ITGA9: variants seen among roughly 807,000 people sequenced by gnomAD.
ITGA9 encodes integrin subunit alpha 9, also known as integrin alpha-9.
A neutral mutation model predicts 127.8 loss-of-function variants in ITGA9; 56 were observed. The observed-to-expected ratio is 0.44, with a 90% CI of 0.35 to 0.55. ITGA9 has a LOEUF of 0.55. Ranked by LOEUF, ITGA9 falls within the 20% of genes least tolerant of loss-of-function variation. The pLI is 0.00. For synonymous variants in ITGA9, 508 were observed against 514.5 expected (o/e 0.99, Z 0.17); for missense variants, 1,196 against 1,347.1 (o/e 0.89, Z 1.76).
chr3:37,615,692 T>G (rs1700067285), intron 15 of ITGA9, among the ~76,000 whole-genome samples: 1 of 152,204 alleles, frequency 6.6e-6, no homozygotes. Context: ...GGTTTAGTCT[T>G]GGGAGGGTGT....
At chr3:37,564,562 G>A (rs1260679562) in intron 15 of ITGA9, among the ~76,000 whole-genome samples, 1 of 152,218 alleles carries the variant, frequency 6.6e-6, no homozygotes, top group Non-Finnish European at 1.5e-5. Flanking sequence ...GGAAGAAAAT[G>A]TGATCCTTTC....
chr3:37,751,056 C>T (rs192459436), intron 23 of ITGA9, among the ~76,000 whole-genome samples: 9 of 152,262 alleles, frequency 5.9e-5, no homozygotes, highest in Admixed American at 2.0e-4. Flanking sequence ...ATATCTGAGC[C>T]GAGAGTTGAA....
At chr3:37,788,919 T>G (rs546330851) in intron 26 of ITGA9, among the ~76,000 whole-genome samples, 44 of 152,348 alleles carry the variant, frequency 2.9e-4, no homozygotes, top group African/African-American at 1.0e-3. Context: ...CTTACCTGTT[T>G]GTTTGTCAAA....
intron 23 of ITGA9, among the ~76,000 whole-genome samples, chr3:37,766,249 A>G (rs1009307272): frequency 6.6e-6 from 1 of 152,228 alleles, no homozygotes; most frequent in African/African-American, 2.4e-5. Context: ...TTCAGACCAA[A>G]AAGAACTGCC....
At chr3:37,692,412 A>AGAGAGT (rs1553658497) in intron 18 of ITGA9, among the ~76,000 whole-genome samples, 4 of 145,968 alleles carry the variant, frequency 2.7e-5, no homozygotes, top group Admixed American at 2.1e-4. Context: ...AGAGAGAGAG[A>AGAGAGT]GTGTGTGTGT....
chr3:37,557,355 T>C (rs1241830070), intron 15 of ITGA9, among the ~76,000 whole-genome samples: 1 of 152,182 alleles, frequency 6.6e-6, no homozygotes, highest in East Asian at 1.9e-4. Flanking sequence ...GGGGAATTTG[T>C]TGATTGTAGT....
chr3:37,524,013 T>C, intron 12 of ITGA9, among the ~76,000 whole-genome samples: 1 of 151,994 alleles, frequency 6.6e-6, no homozygotes, highest in East Asian at 1.9e-4. Context: ...CTGCCCCTAC[T>C]CTTGAAATAA....
chr3:37,503,157 C>T (rs111357377), intron 5 of ITGA9, 21 bp from the exon 6 acceptor site: 17 of 1,613,262 alleles, frequency 1.1e-5, no homozygotes, highest in African/African-American at 4.0e-5. Context: ...CTCTGCTTAC[C>T]GTTGGATTTC....
At chr3:37,689,775 T>G (rs1700814318) in intron 18 of ITGA9, among the ~76,000 whole-genome samples, 2 of 152,216 alleles carry the variant, frequency 1.3e-5, no homozygotes, top group Admixed American at 1.3e-4. Context: ...TTTAATTTTT[T>G]GCCCTGGAGC....
chr3:37,642,792 G>C (rs1174474412), intron 16 of ITGA9, among the ~76,000 whole-genome samples: 2 of 152,128 alleles, frequency 1.3e-5, no homozygotes, highest in East Asian at 3.9e-4. Flanking sequence ...ATACACTTTG[G>C]GTCTCCATTG....
rs144992406 is a variant in ITGA9 at position 37,585,691 on chromosome 3, G to A, written c.1689+43106G>A. On this transcript the variant is annotated intron_variant, in intron 15 of 27. Transcript: ENST00000264741. Reference sequence around the variant, plus strand: ...AACACAAGGAAACTACAGGTGAAACGTAACAATAGTAATTGCCTTACTTTA... The same window carrying A: ...AACACAAGGAAACTACAGGTGAAACATAACAATAGTAATTGCCTTACTTTA... 3.2e-4 allele frequency: 164 copies of A among 506,240 alleles called. No individual in the cohort carries two copies. The East Asian group carries it at 4.4e-3, about 14-fold the overall frequency. 31.4% of individuals were successfully genotyped at this position (506,240 alleles called of 1,614,324 possible). A position where few individuals can be genotyped will look rare whatever the true frequency, so the allele number is the denominator to read the frequency against.
intron 18 of ITGA9, among the ~76,000 whole-genome samples, chr3:37,684,711 C>T (rs1339273979): frequency 6.6e-6 from 1 of 152,174 alleles, no homozygotes; most frequent in Non-Finnish European, 1.5e-5. Flanking sequence ...TCAAGTGATC[C>T]GCCTGCCTCA....
At chr3:37,607,951 A>G (rs762682179) in intron 15 of ITGA9, among the ~76,000 whole-genome samples, 18 of 152,218 alleles carry the variant, frequency 1.2e-4, no homozygotes, top group Non-Finnish European at 2.2e-4. Context: ...ATTAATGGCC[A>G]TTCTTCAAAG....
In ITGA9 at chr3:37,513,823, G is replaced by GAC; in HGVS notation, c.959_960dup (p.Leu321ThrfsTer35). On this transcript the variant is annotated frameshift_variant, in exon 9 of 28. Coordinates refer to ENST00000264741, the MANE Select transcript of ITGA9 (RefSeq NM_002207.3). LOFTEE classifies it high-confidence loss of function. ...TGACCTGAATGGGGACGGCCTCTCT[G>GAC]ACCTGCTGGTGGGGGCCCCCATGTT... 1 of 1,613,966 alleles carries GAC rather than the reference G, an allele frequency of 6.2e-7. No individual in the cohort carries two copies. The highest frequency in any genetic ancestry group is 8.5e-7 in the Non-Finnish European group (1 of 1,180,030).
intron 17 of ITGA9, among the ~76,000 whole-genome samples, chr3:37,680,029 C>T (rs563424451): frequency 6.6e-6 from 1 of 152,196 alleles, no homozygotes; most frequent in Admixed American, 6.5e-5. Context: ...CAGGAAGGAT[C>T]CCCTGGGGAC....
At chr3:37,774,331 A>G (rs1258307210) in intron 23 of ITGA9, among the ~76,000 whole-genome samples, 1 of 152,152 alleles carries the variant, frequency 6.6e-6, no homozygotes, top group Non-Finnish European at 1.5e-5. Context: ...GACCTCTAAA[A>G]TCGTCCAGAC....
chr3:37,715,668 G>A (rs950092255), intron 18 of ITGA9, among the ~76,000 whole-genome samples: 1 of 152,198 alleles, frequency 6.6e-6, no homozygotes, highest in Non-Finnish European at 1.5e-5. Context: ...TTAATGTTTG[G>A]CGGGTGGATT....
chr3:37,600,260 A>G (rs1436000319), intron 15 of ITGA9, among the ~76,000 whole-genome samples: 1 of 152,158 alleles, frequency 6.6e-6, no homozygotes, highest in Non-Finnish European at 1.5e-5. Context: ...GAATTAAGGT[A>G]TTTCTCCCAT....
chr3:37,648,537 G>A (rs1700400905), intron 16 of ITGA9, among the ~76,000 whole-genome samples: 1 of 152,082 alleles, frequency 6.6e-6, no homozygotes, highest in African/African-American at 2.4e-5. Flanking sequence ...TGAGGTAGGA[G>A]GATCGCTTGA....
Sources: allele counts gnomAD v4.1 joint callset (sites outside exome capture counted in the v4.1 genomes callset), GRCh38; gene constraint gnomAD v4.1.1; transcripts MANE v1.5; gene names NCBI Gene and HGNC (gene_info 2026-07-23, HGNC 2026-07-21).